LAMA1: variants seen among roughly 807,000 people sequenced by gnomAD.
The protein encoded by LAMA1 is laminin subunit alpha 1, also known as laminin subunit alpha-1.
In LAMA1, 219 loss-of-function variants were observed where a neutral mutation model predicts 348.7. The observed-to-expected ratio is 0.63, with a 90% CI of 0.56 to 0.70. LAMA1 has a LOEUF of 0.70. LAMA1 is among the 30% of genes least tolerant of loss of function. LAMA1 has a pLI of 0.00. For missense variants in LAMA1, 3,744 were observed against 3,888.0 expected (o/e 0.96, Z 0.99); for synonymous variants, 1,487 against 1,491.0 (o/e 1.00, Z 0.06).
Position 7,080,445 on chromosome 18 carries a change from G to A in LAMA1, c.74C>T (p.Ala25Val). ...AGCATTGCTGGCAAGATTGAGAATG[G>A]CAGGAAACAGGCCTGAAAGTGAAAA... ...AQCRQRGLFP[A>V]ILNLASNAHI... The change falls in exon 2 of 63, where the codon GCC becomes GTC. Residue 25 changes from alanine to valine, a missense_variant. Ala to Val is a moderately conservative substitution (Grantham distance 64). Coordinates refer to ENST00000389658, the MANE Select transcript of LAMA1 (RefSeq NM_005559.4). 1 of 1,614,216 alleles carries A rather than the reference G, an allele frequency of 6.2e-7. No homozygotes were observed.
At chr18:6,980,429 T>C (rs901913193) in intron 42 of LAMA1, 92 bp downstream of exon 42, 11 of 886,062 alleles carry the variant, frequency 1.2e-5, no homozygotes, top group Middle Eastern at 2.2e-4. Context: ...CTAAAGCCTT[T>C]ATCAGTCTTG....
intron 1 of LAMA1, among the ~76,000 whole-genome samples, chr18:7,116,826 C>G (rs543899999): frequency 6.7e-6 from 1 of 148,830 alleles, no homozygotes; most frequent in African/African-American, 2.6e-5. Flanking sequence ...TTCTCTCTCT[C>G]TTTCTTTCTT....
intron 1 of LAMA1, among the ~76,000 whole-genome samples, chr18:7,090,878 G>A (rs986458581): frequency 6.6e-6 from 1 of 152,194 alleles, no homozygotes; most frequent in South Asian, 2.1e-4. Flanking sequence ...ACAAGAGGGG[G>A]TGGTAAGCAG....
intron 1 of LAMA1, among the ~76,000 whole-genome samples, chr18:7,109,848 A>G (rs771242589): frequency 6.6e-6 from 1 of 152,122 alleles, no homozygotes; most frequent in Non-Finnish European, 1.5e-5. Flanking sequence ...GTGGGACTGG[A>G]TTAAATGAAA....
intron 3 of LAMA1, among the ~76,000 whole-genome samples, chr18:7,052,430 CA>C (rs1351925258): frequency 2.3e-3 from 316 of 137,818 alleles, no homozygotes; most frequent in African/African-American, 2.7e-3. Flanking sequence ...GACTCTGTAT[CA>C]AAAAAAAAAA....
intron 3 of LAMA1, among the ~76,000 whole-genome samples, chr18:7,065,022 A>G (rs753140888): frequency 4.0e-5 from 6 of 151,780 alleles, no homozygotes; most frequent in Non-Finnish European, 8.8e-5. Flanking sequence ...TCACAAGGTC[A>G]GGAGATCAAG....
At position 7,117,690 on chromosome 18, in the gene LAMA1, G is replaced by A; in HGVS notation, c.31C>T (p.Leu11=). ...TGCCGGCACTGCGCGGCGACACACA[G>A]CAGCAAGACCAGGAGCACGCCCCCG... The part of the protein sequence containing the change: MRGGVLLVLL[L]CVAAQCRQRG... The change falls in exon 1 of 63, where the codon CTG becomes TTG. Residue 11 remains leucine (L), a synonymous_variant. Transcript: ENST00000389658. 6.3e-7 allele frequency: 1 copy of A among 1,598,980 alleles called. No individual in the cohort carries two copies. The highest frequency in any genetic ancestry group is 1.3e-5 in the African/African-American group (1 of 74,762).
intron 23 of LAMA1, among the ~76,000 whole-genome samples, chr18:7,012,544 C>A (rs1309968313): frequency 6.7e-6 from 1 of 149,754 alleles, no homozygotes; most frequent in African/African-American, 2.4e-5. Context: ...CTCGCTCTGT[C>A]ACCCAGGCTG....
intron 1 of LAMA1, among the ~76,000 whole-genome samples, chr18:7,085,647 T>G (rs1013899377): frequency 1.3e-5 from 2 of 152,124 alleles, no homozygotes; most frequent in Non-Finnish European, 2.9e-5. Flanking sequence ...CTCGATCTCC[T>G]GACTTCCTGA....
chr18:7,085,484 T>C (rs370001596), intron 1 of LAMA1, among the ~76,000 whole-genome samples: 3 of 143,532 alleles, frequency 2.1e-5, no homozygotes, highest in East Asian at 4.4e-4. Context: ...AGTGGCACGA[T>C]CTCCGCTCAC....
intron 36 of LAMA1, 112 bp downstream of exon 36, chr18:6,992,449 A>C: frequency 2.5e-6 from 3 of 1,188,858 alleles, no homozygotes; most frequent in Non-Finnish European, 2.5e-6. Context: ...CTCTTAGGAT[A>C]TTTCATTTCC....
intron 1 of LAMA1, among the ~76,000 whole-genome samples, chr18:7,104,107 T>C (rs1232013346): frequency 6.6e-6 from 1 of 151,922 alleles, no homozygotes. Context: ...GCTTCCTGAG[T>C]AGCTGGGATT....
chr18:7,081,528 T>C (rs957912931), intron 1 of LAMA1, among the ~76,000 whole-genome samples: 1 of 152,230 alleles, frequency 6.6e-6, no homozygotes, highest in Admixed American at 6.5e-5. Flanking sequence ...TCTTTGCCTT[T>C]GTACTGTTCC....
rs2057610497 is a variant in LAMA1 at position 6,962,040 on chromosome 18, T to A, written c.7357A>T (p.Ser2453Cys). ...AGGTTCTTGATGCAGCCCACAAAGC[T>A]TTTGGTGGTGACACCTCTCCTGTAG... ...RVVRRGVTTK[S>C]FVGCIKNLEI... The change falls in exon 52 of 63, where the codon AGC becomes TGC. Residue 2453 changes from serine to cysteine, a missense_variant. Transcript: ENST00000389658. 1 of 1,613,988 alleles carries A rather than the reference T, an allele frequency of 6.2e-7. No individual in the cohort carries two copies. Among genetic ancestry groups the A allele is most frequent in the East Asian group, 2.2e-5 (1 of 44,876 alleles).
intron 55 of LAMA1, 68 bp downstream of exon 55, chr18:6,958,409 G>T: frequency 2.6e-6 from 4 of 1,518,126 alleles, no homozygotes; most frequent in Non-Finnish European, 2.7e-6. Context: ...TGAGATTTCA[G>T]ATTAGTGTTA....
At chr18:7,087,592 T>C (rs1033270810) in intron 1 of LAMA1, among the ~76,000 whole-genome samples, 4 of 152,372 alleles carry the variant, frequency 2.6e-5, no homozygotes, top group African/African-American at 7.2e-5. Context: ...GTCTAACCTG[T>C]GTGTCCAGGT....
intron 3 of LAMA1, among the ~76,000 whole-genome samples, chr18:7,077,199 CTTTTTT>C (rs71165719): frequency 8.3e-6 from 1 of 119,788 alleles, no homozygotes. Flanking sequence ...CTGTTCTTTT[CTTTTTT>C]TTTTTTTTTT....
chr18:7,017,215 G>T, intron 20 of LAMA1, 63 bp downstream of exon 20: 2 of 1,296,074 alleles, frequency 1.5e-6, no homozygotes, highest in South Asian at 1.2e-5. Context: ...AGCTCCTTCT[G>T]AGTCATGGAT....
intron 3 of LAMA1, among the ~76,000 whole-genome samples, chr18:7,063,005 A>G (rs1302901980): frequency 6.6e-6 from 1 of 152,146 alleles, no homozygotes; most frequent in African/African-American, 2.4e-5. Flanking sequence ...CTAAAATCCA[A>G]CAGGTGATAC....
Sources: gnomAD v4.1 joint callset for allele counts (sites outside exome capture counted in the v4.1 genomes callset) on GRCh38, gnomAD v4.1.1 for gene constraint, MANE v1.5 for transcripts, NCBI Gene and HGNC (gene_info 2026-07-23, HGNC 2026-07-21) for gene names.